Variants in IDO2 observed in about 807,000 individuals in gnomAD.
IDO2 encodes indoleamine 2,3-dioxygenase-like 1 protein.
Under a neutral mutation model 45.1 loss-of-function variants are expected in IDO2, and 46 were observed. That is an observed-to-expected ratio of 1.02 (90% CI 0.80 to 1.30). IDO2 has a LOEUF of 1.30. Ranked by LOEUF, IDO2 falls within the 50% of genes most tolerant of loss-of-function variation. The probability of loss-of-function intolerance (pLI) is 0.00; values close to 1 mark genes in which losing one functional copy is unlikely to be tolerated. For synonymous variants in IDO2, 218 were observed against 184.9 expected (o/e 1.18, Z -1.45); for missense variants, 544 against 491.8 (o/e 1.11, Z -1.00).
intron 1 of IDO2, among the ~76,000 whole-genome samples, chr8:39,947,527 C>T (rs1456336192): frequency 6.6e-6 from 1 of 152,206 alleles, no homozygotes; most frequent in Non-Finnish European, 1.5e-5. Context: ...GTTACTTCCT[C>T]CTTCCTTTGT....
rs931647296 is a variant in IDO2, at chr8:39,965,710, G to A, written c.195+2007G>A. On this transcript the variant is annotated intron_variant, in intron 3 of 10. Coordinates refer to ENST00000502986, the Ensembl canonical transcript of IDO2. ...TAAGAAGAGGAAAAATTAAACACAG[G>A]AACATAGACTCAAGGGAAAACATCA... Among the ~76,000 whole-genome samples the A allele has an allele frequency of 2.0e-5, 3 of 151,990 alleles. No homozygotes were observed. The South Asian group carries it at 6.2e-4, about 32-fold the overall frequency.
intron 8 of IDO2, among the ~76,000 whole-genome samples, chr8:39,999,079 G>C (rs1463563507): frequency 2.6e-5 from 4 of 152,064 alleles, no homozygotes; most frequent in African/African-American, 9.7e-5. Flanking sequence ...CTCAATTCCT[G>C]AAGGATATTT....
At chr8:39,949,466 A>C (rs1807783655) in intron 2 of IDO2, among the ~76,000 whole-genome samples, 1 of 152,204 alleles carries the variant, frequency 6.6e-6, no homozygotes, top group East Asian at 1.9e-4. Flanking sequence ...GGTCAAATGG[A>C]ACATTTTTTG....
intron 8 of IDO2, among the ~76,000 whole-genome samples, chr8:39,994,345 C>T (rs547419267): frequency 7.3e-4 from 111 of 151,738 alleles, no homozygotes; most frequent in Non-Finnish European, 1.3e-3. Flanking sequence ...ACAACCTCTG[C>T]GTCCCAGGTT....
chr8:40,012,999 T>A (rs936250870), intron 9 of IDO2, among the ~76,000 whole-genome samples: 3 of 152,202 alleles, frequency 2.0e-5, no homozygotes, highest in African/African-American at 7.2e-5. Context: ...CAAAGTTGAG[T>A]AATATCCAGA....
intron 8 of IDO2, among the ~76,000 whole-genome samples, chr8:39,996,288 C>G (rs530845333): frequency 6.6e-6 from 1 of 152,318 alleles, no homozygotes; most frequent in Non-Finnish European, 1.5e-5. Context: ...GAACACCTGG[C>G]TCCGCCTTTT....
intron 8 of IDO2, among the ~76,000 whole-genome samples, chr8:39,996,655 G>A (rs1802050491): frequency 6.6e-6 from 1 of 152,018 alleles, no homozygotes; most frequent in Admixed American, 6.6e-5. Flanking sequence ...AAAACCCACA[G>A]ACCCTGTAGG....
chr8:39,946,639 C>G (rs192170788), intron 1 of IDO2, among the ~76,000 whole-genome samples: 86 of 152,100 alleles, frequency 5.7e-4, no homozygotes, highest in African/African-American at 2.0e-3. Flanking sequence ...AACCTCCGCT[C>G]CCTGAATGAA....
chr8:40,003,386 A>G lies in IDO2; in HGVS notation c.668-1941A>G, dbSNP rs2955882. Among the ~76,000 whole-genome samples the G allele has an allele frequency of 5.4e-4, 48 of 89,124 alleles. 1 individual carries two copies. The highest frequency in any genetic ancestry group is 2.0e-3 in the African/African-American group (48 of 23,724). The allele number at this position is 89,124 out of a possible 152,430, so 58.5% of individuals were successfully genotyped here. A position where few individuals can be genotyped will look rare whatever the true frequency, so the allele number is the denominator to read the frequency against. On this transcript the variant is annotated intron_variant, in intron 8 of 10. Coordinates refer to ENST00000502986, the Ensembl canonical transcript of IDO2. ...TCCATCTCAAAAAAAAAAAAAAAAAAAAAAAGAAAACGAGAATATATCCTT... is the reference window on the plus strand; with the variant it reads ...TCCATCTCAAAAAAAAAAAAAAAAAGAAAAAGAAAACGAGAATATATCCTT...
chr8:39,985,483 TCATCAATAACTGAAATTGGG>T lies in IDO2; in HGVS notation c.435-23_435-4del. 6.4e-7 allele frequency: 1 copy of T among 1,552,902 alleles called. No individual in the cohort carries two copies. Among genetic ancestry groups the T allele is most frequent in the East Asian group, 2.4e-5 (1 of 42,274 alleles). On this transcript the variant is annotated splice_polypyrimidine_tract_variant and splice_region_variant and intron_variant, in intron 5 of 10. Transcript: ENST00000502986. Reference sequence around the variant, plus strand: ...TTTTATTTTTTTTCTCTCTTGGTGGTCATCAATAACTGAAATTGGGCTAGATTCCTGGAAATTGGGTAAGT... The same window carrying T: ...TTTTATTTTTTTTCTCTCTTGGTGGTCTAGATTCCTGGAAATTGGGTAAGT...
intron 1 of IDO2, among the ~76,000 whole-genome samples, chr8:39,948,876 G>T (rs1424520039): frequency 6.6e-6 from 1 of 152,142 alleles, no homozygotes; most frequent in African/African-American, 2.4e-5. Context: ...ATTTGTCTCT[G>T]GGGTTAAAAC....
At chr8:39,955,928 A>G in intron 2 of IDO2, among the ~76,000 whole-genome samples, 1 of 152,158 alleles carries the variant, frequency 6.6e-6, no homozygotes, top group South Asian at 2.1e-4. Context: ...TGTTGAACTC[A>G]ATTTTGTGAC....
intron 1 of IDO2, among the ~76,000 whole-genome samples, chr8:39,940,607 C>T (rs1009598142): frequency 2.0e-5 from 3 of 152,154 alleles, no homozygotes; most frequent in Non-Finnish European, 4.4e-5. Context: ...ACTCTCTCTT[C>T]TAGCTATTTT....
exon 1 of IDO2, chr8:39,935,091 A>T (rs1001396692): frequency 3.1e-6 from 3 of 969,822 alleles, no homozygotes; most frequent in East Asian, 2.4e-5. Flanking sequence ...TAGATTTGAC[A>T]TTAGAAATGT....
rs145324992 is a variant in IDO2 at position 39,987,755 on chromosome 8, G to T, written c.450-116G>T. The T allele has an allele frequency of 1.9e-4, 118 of 636,274 alleles. 1 individual carries two copies. Among genetic ancestry groups the T allele is most frequent in the Non-Finnish European group, 3.0e-4 (105 of 352,446 alleles). 39.4% of individuals were successfully genotyped at this position (636,274 alleles called of 1,614,324 possible). On this transcript the variant is annotated intron_variant, in intron 6 of 10. Transcript: ENST00000502986. ...CCTCAGGGCTGTCTTACGGAGAGGAGAAAGTTGTGCAGTGATTCCACCCTG... is the reference window on the plus strand; with the variant it reads ...CCTCAGGGCTGTCTTACGGAGAGGATAAAGTTGTGCAGTGATTCCACCCTG...
At chr8:40,003,952 GA>G (rs1802177273) in intron 8 of IDO2, among the ~76,000 whole-genome samples, 1 of 151,556 alleles carries the variant, frequency 6.6e-6, no homozygotes, top group African/African-American at 2.4e-5. Context: ...ATCATGAGTG[GA>G]TTTTTTTACA....
chr8:39,956,315 G>C (rs1053467796), intron 2 of IDO2, among the ~76,000 whole-genome samples: 7 of 152,106 alleles, frequency 4.6e-5, no homozygotes, highest in Admixed American at 3.9e-4. Flanking sequence ...ATCTGGCTTG[G>C]CCTCCCAAAG....
At chr8:39,943,488 A>C (rs752521340) in intron 1 of IDO2, among the ~76,000 whole-genome samples, 1 of 152,188 alleles carries the variant, frequency 6.6e-6, no homozygotes, top group Non-Finnish European at 1.5e-5. Flanking sequence ...CTGTAATCCC[A>C]GCACTCTAGG....
intron 1 of IDO2, among the ~76,000 whole-genome samples, chr8:39,947,171 C>CAAAAAAAAA (rs55785952): frequency 1.0e-4 from 8 of 80,028 alleles, no homozygotes; most frequent in East Asian, 4.2e-4. Context: ...GCTAAGGTAT[C>CAAAAAAAAA]AAAAAAAAAA....
Sources: gnomAD v4.1 joint callset for allele counts (sites outside exome capture counted in the v4.1 genomes callset) on GRCh38, gnomAD v4.1.1 for gene constraint, MANE v1.5 for transcripts, NCBI Gene and HGNC (gene_info 2026-07-23, HGNC 2026-07-21) for gene names.